The following TTC28 variants were observed in gnomAD, a reference collection of about 807,000 sequenced individuals.
TTC28 encodes tetratricopeptide repeat domain 28.
In TTC28, 61 loss-of-function variants were observed where a neutral mutation model predicts 198.0. The observed-to-expected ratio is 0.31, with a 90% CI of 0.25 to 0.38. TTC28 has a LOEUF of 0.38. Among genes scored for constraint, TTC28 ranks in the 10% least tolerant of loss-of-function variants. The pLI, the probability that TTC28 is intolerant of heterozygous loss-of-function variation, is 1.00. For missense variants in TTC28, 2,678 were observed against 3,164.0 expected, an observed-to-expected ratio of 0.85 and a Z score of 3.69; for synonymous variants, 1,171 against 1,297.8, an observed-to-expected ratio of 0.90 and a Z score of 2.10.
intron 8 of TTC28, among the ~76,000 whole-genome samples, chr22:28,103,788 G>A (rs749385802): frequency 6.6e-6 from 1 of 152,172 alleles, no homozygotes; most frequent in Admixed American, 6.5e-5. Context: ...AGGCAAACCA[G>A]CTGTTTCATG....
chr22:28,382,004 G>GTAGA lies in TTC28; in HGVS notation c.382-75365_382-75362dup, dbSNP rs546225900. On this transcript the variant is annotated intron_variant, in intron 2 of 22. Transcript: ENST00000397906. ...AGGCTAAAGGGTAAAATGGACAACAGTAGATAGCTAGCCCAACATTCAGAT... is the reference window on the plus strand; with the variant it reads ...AGGCTAAAGGGTAAAATGGACAACAGTAGATAGATAGCTAGCCCAACATTCAGAT... Among the ~76,000 whole-genome samples, 41 of 152,232 alleles carry GTAGA rather than the reference G, an allele frequency of 2.7e-4. No individual in the cohort carries two copies. The East Asian group carries it at 7.3e-3, about 27-fold the overall frequency.
intron 5 of TTC28, among the ~76,000 whole-genome samples, chr22:28,168,499 G>A (rs932505482): frequency 2.6e-5 from 4 of 152,088 alleles, no homozygotes; most frequent in African/African-American, 9.7e-5. Flanking sequence ...ACAGAACAGA[G>A]CCCTCAGAAA....
At chr22:28,132,943 G>A (rs1371903328) in intron 6 of TTC28, among the ~76,000 whole-genome samples, 1 of 152,200 alleles carries the variant, frequency 6.6e-6, no homozygotes, top group East Asian at 1.9e-4. Flanking sequence ...ATTTGTAATG[G>A]CCGGGCATGG....
chr22:28,219,245 A>T (rs1927651765), intron 5 of TTC28, among the ~76,000 whole-genome samples: 2 of 152,174 alleles, frequency 1.3e-5, no homozygotes, highest in South Asian at 2.1e-4. Context: ...GTGGTGGCTC[A>T]CGCCTGTAAT....
At chr22:28,387,520 T>C (rs2046629957) in intron 2 of TTC28, among the ~76,000 whole-genome samples, 1 of 152,358 alleles carries the variant, frequency 6.6e-6, no homozygotes, top group African/African-American at 2.4e-5. Context: ...TTCCTGACTC[T>C]TTAATGATTG....
At chr22:28,675,745 A>G (rs886674073) in intron 1 of TTC28, among the ~76,000 whole-genome samples, 11 of 150,478 alleles carry the variant, frequency 7.3e-5, no homozygotes, top group African/African-American at 1.5e-4. Flanking sequence ...TCACACACAC[A>G]CACACACACA....
chr22:28,455,850 G>C (rs1419387392), intron 2 of TTC28, among the ~76,000 whole-genome samples: 1 of 151,696 alleles, frequency 6.6e-6, no homozygotes. Flanking sequence ...CTAACTTTTT[G>C]CTAAAATTTG....
At chr22:28,502,072 T>C (rs779590443) in intron 2 of TTC28, among the ~76,000 whole-genome samples, 1 of 152,208 alleles carries the variant, frequency 6.6e-6, no homozygotes, top group Non-Finnish European at 1.5e-5. Flanking sequence ...ATGACTCTCA[T>C]ACATATTGCT....
intron 1 of TTC28, among the ~76,000 whole-genome samples, chr22:28,674,989 T>A (rs1367123245): frequency 6.6e-6 from 1 of 152,050 alleles, no homozygotes; most frequent in Admixed American, 6.6e-5. Flanking sequence ...TCAAAACCTA[T>A]TACCAAGCTA....
chr22:28,311,807 C>T (rs2045262128), intron 2 of TTC28, among the ~76,000 whole-genome samples: 1 of 151,822 alleles, frequency 6.6e-6, no homozygotes, highest in African/African-American at 2.4e-5. Context: ...ACCTTACTCG[C>T]CCCCACACAC....
chr22:28,491,581 A>T (rs2048379372), intron 2 of TTC28, among the ~76,000 whole-genome samples: 2 of 152,198 alleles, frequency 1.3e-5, no homozygotes, highest in Admixed American at 1.3e-4. Context: ...CATCAGTTAG[A>T]ATGGCGATCA....
intron 2 of TTC28, among the ~76,000 whole-genome samples, chr22:28,379,925 A>C (rs1028300084): frequency 1.3e-5 from 2 of 152,066 alleles, no homozygotes; most frequent in African/African-American, 2.4e-5. Flanking sequence ...AATTAAATGC[A>C]ATGTGGAATC....
intron 12 of TTC28, among the ~76,000 whole-genome samples, chr22:28,040,400 G>A (rs994081962): frequency 2.2e-4 from 33 of 152,266 alleles, no homozygotes; most frequent in African/African-American, 2.9e-4. Flanking sequence ...CGATCAAGTC[G>A]TCTTCATCCC....
chr22:28,490,650 T>G (rs1471150430), intron 2 of TTC28, among the ~76,000 whole-genome samples: 5 of 152,186 alleles, frequency 3.3e-5, no homozygotes, highest in Non-Finnish European at 7.4e-5. Flanking sequence ...AGTTGAAAGT[T>G]TATATAATAA....
chr22:28,662,511 G>A (rs1453085695), intron 1 of TTC28, among the ~76,000 whole-genome samples: 1 of 152,182 alleles, frequency 6.6e-6, no homozygotes, highest in Non-Finnish European at 1.5e-5. Flanking sequence ...ACTTCATAAA[G>A]TTGTGAGAAT....
Position 28,324,935 on chromosome 22 carries a change from C to A in TTC28, c.382-18292G>T, listed in dbSNP as rs573202978. Among the ~76,000 whole-genome samples the A allele has an allele frequency of 6.6e-5, 10 of 152,250 alleles. 1 individual carries two copies. The highest frequency in any genetic ancestry group is 2.6e-4 in the Admixed American group (4 of 15,286). On this transcript the variant is annotated intron_variant, in intron 2 of 22. Transcript: ENST00000397906. ...AAATAAAGGGTATTGGTCTAAAATT[C>A]TCTTTTTTTGTTGTGTCTCTGCCAG...
chr22:28,574,906 C>A (rs2050122140), intron 2 of TTC28, among the ~76,000 whole-genome samples: 1 of 151,954 alleles, frequency 6.6e-6, no homozygotes, highest in Non-Finnish European at 1.5e-5. Flanking sequence ...TGTTTGAGCT[C>A]CTTATATATT....
chr22:28,513,883 ATATTTG>A (rs1429894939), intron 2 of TTC28, among the ~76,000 whole-genome samples: 8 of 152,126 alleles, frequency 5.3e-5, no homozygotes, highest in Non-Finnish European at 1.2e-4. Flanking sequence ...TTTATTATTT[ATATTTG>A]TATTTCTAAT....
intron 13 of TTC28, among the ~76,000 whole-genome samples, chr22:28,018,679 A>G (rs1938478385): frequency 6.6e-6 from 1 of 152,154 alleles, no homozygotes; most frequent in Non-Finnish European, 1.5e-5. Flanking sequence ...CCTGGGACTG[A>G]TAGGCTCAGG....
Sources: gnomAD v4.1 joint callset for allele counts (sites outside exome capture counted in the v4.1 genomes callset) on GRCh38, gnomAD v4.1.1 for gene constraint, MANE v1.5 for transcripts, NCBI Gene and HGNC (gene_info 2026-07-23, HGNC 2026-07-21) for gene names.